Variants in PHF20 observed in about 807,000 individuals in gnomAD.
PHF20 encodes the protein PHD finger protein 20, also known as glioma-expressed antigen 2.
Under a neutral mutation model 113.5 loss-of-function variants are expected in PHF20, and 23 were observed. The ratio of observed to expected loss-of-function variants is 0.20; its 90% confidence interval spans 0.15 to 0.29. PHF20 has a LOEUF of 0.29. Among genes scored for constraint, PHF20 ranks in the 10% least tolerant of loss-of-function variants. The pLI is 1.00. For synonymous variants in PHF20, 434 were observed against 457.3 expected (o/e 0.95, Z 0.65); for missense variants, 943 against 1,219.6 (o/e 0.77, Z 3.38).
chr20:35,864,787 T>C (rs1175178980), intron 6 of PHF20, among the ~76,000 whole-genome samples: 1 of 152,146 alleles, frequency 6.6e-6, no homozygotes, highest in Non-Finnish European at 1.5e-5. Flanking sequence ...ACTAGCTGCA[T>C]GGGGCTATTG....
chr20:35,946,363 G>A (rs1458723089), intron 17 of PHF20, among the ~76,000 whole-genome samples: 1 of 152,164 alleles, frequency 6.6e-6, no homozygotes, highest in Non-Finnish European at 1.5e-5. Flanking sequence ...GAACCTAGGA[G>A]GCAGAGATTA....
At chr20:35,859,265 C>A (rs560756937) in intron 5 of PHF20, among the ~76,000 whole-genome samples, 1 of 152,168 alleles carries the variant, frequency 6.6e-6, no homozygotes, top group Non-Finnish European at 1.5e-5. Flanking sequence ...TGCATAGATA[C>A]GGGCCATCTA....
chr20:35,882,586 C>G (rs527348531), intron 9 of PHF20, among the ~76,000 whole-genome samples: 10 of 152,200 alleles, frequency 6.6e-5, no homozygotes, highest in Admixed American at 2.0e-4. Flanking sequence ...TGGCACCAAG[C>G]CTGGCTAATT....
At position 35,871,702 on chromosome 20, in the gene PHF20, C is replaced by G. The variant is rs1438114520; in HGVS notation, c.1155C>G (p.Cys385Trp). 1 of 1,613,708 alleles carries G rather than the reference C, an allele frequency of 6.2e-7. No individual in the cohort carries two copies. Among genetic ancestry groups the G allele is most frequent in the South Asian group, 1.1e-5 (1 of 91,032 alleles). ...EAGQVSSALTCHSFGDGSGAA... is the reference protein window; with the variant it reads ...EAGQVSSALTWHSFGDGSGAA... ...GCCAGGTCTCATCTGCACTGACTTG[C>G]CACTCCTTTGGGGATGGATCCGGGG... The change falls in exon 9 of 18, where the codon TGC becomes TGG. Residue 385 changes from cysteine to tryptophan, a missense_variant. Cys to Trp is a radical substitution (Grantham distance 215). Around this residue, in one of 3 missense-constraint regions of PHF20, gnomAD observed 592 missense variants for 787.2 expected, o/e 0.75. Transcript: ENST00000374012.
rs2056138861 is a variant in PHF20 at position 35,949,353 on chromosome 20, G to A, written c.*1726G>A. The A allele has an allele frequency of 6.6e-6, 1 of 152,622 alleles. No individual in the cohort carries two copies. The highest frequency in any genetic ancestry group is 1.5e-5 in the Non-Finnish European group (1 of 68,046). 9.5% of individuals were successfully genotyped at this position (152,622 alleles called of 1,614,324 possible). A position where few individuals can be genotyped will look rare whatever the true frequency, so the allele number is the denominator to read the frequency against. On this transcript the variant is annotated 3_prime_UTR_variant, in exon 18 of 18. Transcript: ENST00000374012. ...AGGATGGCTTTCTGTAGCCACACCTGTGAGGCGTGATGATTGTTGTATTAT... is the reference window on the plus strand; with the variant it reads ...AGGATGGCTTTCTGTAGCCACACCTATGAGGCGTGATGATTGTTGTATTAT...
intron 9 of PHF20, among the ~76,000 whole-genome samples, chr20:35,885,796 T>C (rs537040813): frequency 1.4e-4 from 22 of 152,256 alleles, no homozygotes; most frequent in African/African-American, 5.3e-4. Context: ...CCCTTTATAA[T>C]GAATACATTT....
rs576230683 is a variant in PHF20 at position 35,791,596 on chromosome 20, A to G, written c.-32-9895A>G. 1.5e-4 allele frequency among the ~76,000 whole-genome samples: 22 copies of G among 149,968 alleles called. 1 individual carries two copies. The highest frequency in any genetic ancestry group is 4.7e-4 in the Admixed American group (7 of 14,888). On this transcript the variant is annotated intron_variant, in intron 1 of 17. Transcript: ENST00000374012. Reference sequence around the variant, plus strand: ...TGTGTGTATATATGTATCTTAGAATAGTATTTGTCATAAAATAACCACTGA... The same window carrying G: ...TGTGTGTATATATGTATCTTAGAATGGTATTTGTCATAAAATAACCACTGA...
chr20:35,870,519 AT>A (rs200218930), intron 7 of PHF20, among the ~76,000 whole-genome samples: 3 of 151,996 alleles, frequency 2.0e-5, no homozygotes, highest in African/African-American at 7.2e-5. Context: ...CTATTTATTG[AT>A]TTAAAAAAAT....
intron 13 of PHF20, among the ~76,000 whole-genome samples, chr20:35,924,959 T>C (rs989448328): frequency 6.6e-6 from 1 of 152,190 alleles, no homozygotes; most frequent in African/African-American, 2.4e-5. Flanking sequence ...TTGCCAGGTA[T>C]ATAGTGAGAA....
chr20:35,880,247 G>A (rs1674302222), intron 9 of PHF20, among the ~76,000 whole-genome samples: 1 of 152,170 alleles, frequency 6.6e-6, no homozygotes, highest in Non-Finnish European at 1.5e-5. Context: ...CCTGAAGGAT[G>A]GGCAGCAGTT....
chr20:35,926,557 A>G (rs946680737), intron 13 of PHF20, among the ~76,000 whole-genome samples: 1 of 151,922 alleles, frequency 6.6e-6, no homozygotes. Flanking sequence ...TTCATTTTTA[A>G]TTGTTAGTCT....
chr20:35,865,354 G>T (rs1241421708), intron 6 of PHF20, among the ~76,000 whole-genome samples: 1 of 151,846 alleles, frequency 6.6e-6, no homozygotes, highest in Non-Finnish European at 1.5e-5. Flanking sequence ...TGAAAAAATT[G>T]GCTGAGAGTG....
At chr20:35,906,960 A>C (rs984313232) in intron 10 of PHF20, among the ~76,000 whole-genome samples, 1 of 152,064 alleles carries the variant, frequency 6.6e-6, no homozygotes, top group East Asian at 1.9e-4. Flanking sequence ...GAAGGTAGAC[A>C]TGGTGAAATG....
chr20:35,877,520 G>A (rs371415315), intron 9 of PHF20, among the ~76,000 whole-genome samples: 10 of 150,824 alleles, frequency 6.6e-5, no homozygotes, highest in African/African-American at 1.9e-4. Context: ...TGTGATTTCG[G>A]CTCACTGCAA....
At chr20:35,798,619 T>C (rs962589990) in intron 1 of PHF20, among the ~76,000 whole-genome samples, 14 of 151,498 alleles carry the variant, frequency 9.2e-5, no homozygotes, top group Admixed American at 9.2e-4. Flanking sequence ...CATGCCTGGC[T>C]AATTTTGTAT....
intron 12 of PHF20, among the ~76,000 whole-genome samples, chr20:35,915,656 A>G (rs1055060810): frequency 6.6e-6 from 1 of 152,122 alleles, no homozygotes; most frequent in Non-Finnish European, 1.5e-5. Flanking sequence ...AAGTGCTGGG[A>G]TTACAGGCAT....
chr20:35,877,305 AGT>A, intron 9 of PHF20, among the ~76,000 whole-genome samples: 1 of 129,974 alleles, frequency 7.7e-6, no homozygotes. Flanking sequence ...AAAAAAAAAG[AGT>A]GAGACTCCAT....
At chr20:35,844,415 TG>T (rs142218745) in intron 3 of PHF20, among the ~76,000 whole-genome samples, 18,171 of 133,170 alleles carry the variant, frequency 0.14, 2,780 homozygotes, top group African/African-American at 0.27. Flanking sequence ...TTTTTTTTTT[TG>T]GTTTTTTTTT....
At chr20:35,881,503 T>C (rs1211322744) in intron 9 of PHF20, among the ~76,000 whole-genome samples, 1 of 143,614 alleles carries the variant, frequency 7.0e-6, no homozygotes, top group Non-Finnish European at 1.5e-5. Flanking sequence ...ATAGCACCAC[T>C]GCACTCCAGC....
Sources: gnomAD v4.1 joint callset for allele counts (sites outside exome capture counted in the v4.1 genomes callset) on GRCh38, gnomAD v4.1.1 for gene constraint, gnomAD v4.1.1 regional missense constraint, MANE v1.5 for transcripts, NCBI Gene and HGNC (gene_info 2026-07-23, HGNC 2026-07-21) for gene names.